Variants in SPATA16 observed in about 807,000 individuals in gnomAD.
SPATA16 encodes spermatogenesis associated 16.
A neutral mutation model predicts 63.3 loss-of-function variants in SPATA16; 36 were observed. The ratio of observed to expected loss-of-function variants is 0.57; its 90% confidence interval spans 0.44 to 0.75. SPATA16 has a LOEUF of 0.75. Ranked by LOEUF, SPATA16 falls within the 30% of genes least tolerant of loss-of-function variation. The pLI is 0.00. For missense variants in SPATA16, 646 were observed against 679.3 expected (o/e 0.95, Z 0.54); for synonymous variants, 203 against 216.7 (o/e 0.94, Z 0.56).
intron 1 of SPATA16, among the ~76,000 whole-genome samples, chr3:173,129,101 C>T (rs774773810): frequency 1.5e-4 from 23 of 152,250 alleles, no homozygotes; most frequent in Non-Finnish European, 2.6e-4. Context: ...AGTCAATAAA[C>T]TCTTGTTGAG....
At chr3:172,940,369 A>G (rs1187784605) in intron 6 of SPATA16, among the ~76,000 whole-genome samples, 1 of 152,176 alleles carries the variant, frequency 6.6e-6, no homozygotes, top group East Asian at 1.9e-4. Flanking sequence ...ATTGAATTGA[A>G]TCTTTGGACA....
At chr3:173,010,247 C>A (rs1290958632) in intron 4 of SPATA16, among the ~76,000 whole-genome samples, 5 of 152,114 alleles carry the variant, frequency 3.3e-5, no homozygotes, top group Non-Finnish European at 7.4e-5. Flanking sequence ...GGCCATTGTG[C>A]CCCCCTCTGT....
chr3:172,990,996 C>G (rs1351857325), intron 4 of SPATA16, among the ~76,000 whole-genome samples: 1 of 152,052 alleles, frequency 6.6e-6, no homozygotes, highest in African/African-American at 2.4e-5. Context: ...CAAAAGAAAA[C>G]AAAGGGCAGA....
intron 3 of SPATA16, among the ~76,000 whole-genome samples, chr3:173,025,532 A>G (rs1735433022): frequency 6.6e-6 from 1 of 151,912 alleles, no homozygotes; most frequent in Non-Finnish European, 1.5e-5. Flanking sequence ...GTTTCGACAA[A>G]TACATAGCCA....
chr3:172,910,135 C>T (rs1391469907), intron 10 of SPATA16, among the ~76,000 whole-genome samples: 2 of 149,798 alleles, frequency 1.3e-5, no homozygotes, highest in East Asian at 3.9e-4. Context: ...ACTCTGTCGC[C>T]CAGGCTGGAG....
At chr3:173,060,887 T>C (rs1736363459) in intron 2 of SPATA16, among the ~76,000 whole-genome samples, 1 of 152,224 alleles carries the variant, frequency 6.6e-6, no homozygotes, top group African/African-American at 2.4e-5. Context: ...CCAGTTGAGT[T>C]TAATGCTTCC....
At chr3:173,052,792 A>G (rs1027829852) in intron 2 of SPATA16, among the ~76,000 whole-genome samples, 1 of 152,212 alleles carries the variant, frequency 6.6e-6, no homozygotes, top group Admixed American at 6.5e-5. Flanking sequence ...AACAAAGGGT[A>G]TTTGTCTAGA....
chr3:172,961,059 CTT>C (rs1560080255), intron 5 of SPATA16, among the ~76,000 whole-genome samples: 1 of 36,236 alleles, frequency 2.8e-5, no homozygotes, highest in African/African-American at 9.4e-5. Flanking sequence ...TTCTTTCTTT[CTT>C]TCTTCTTTCT....
intron 2 of SPATA16, among the ~76,000 whole-genome samples, chr3:173,086,484 C>T (rs575741757): frequency 1.3e-5 from 2 of 152,154 alleles, no homozygotes; most frequent in African/African-American, 4.8e-5. Context: ...CTTCAAAAAG[C>T]CACCTCCTGG....
At chr3:173,129,100 ACT>A (rs1225601330) in intron 1 of SPATA16, among the ~76,000 whole-genome samples, 1 of 152,156 alleles carries the variant, frequency 6.6e-6, no homozygotes, top group Non-Finnish European at 1.5e-5. Context: ...TAGTCAATAA[ACT>A]CTTGTTGAGT....
chr3:173,074,927 G>C (rs59530857), intron 2 of SPATA16, among the ~76,000 whole-genome samples: 15 of 149,034 alleles, frequency 1.0e-4, no homozygotes, highest in Non-Finnish European at 1.9e-4. Flanking sequence ...GAACCCGGGA[G>C]GCAGAGATTG....
chr3:172,941,997 T>C (rs1733160321), intron 6 of SPATA16, among the ~76,000 whole-genome samples: 1 of 151,666 alleles, frequency 6.6e-6, no homozygotes, highest in Non-Finnish European at 1.5e-5. Context: ...AAAGAAAAAA[T>C]GAATAAAAGA....
chr3:173,032,236 AAATTATTG>A lies in SPATA16; in HGVS notation c.759-12669_759-12662del, dbSNP rs1326998385. ...CAACTAATTAAATGTGAAAAATATT[AAATTATTG>A]AATTATCTCAAGTGAACAACAAACA... On this transcript the variant is annotated intron_variant, in intron 3 of 10. Coordinates refer to ENST00000351008, the MANE Select transcript of SPATA16 (RefSeq NM_031955.6). Among the ~76,000 whole-genome samples, 14 of 152,252 alleles carry A rather than the reference AAATTATTG, an allele frequency of 9.2e-5. No individual in the cohort carries two copies. The South Asian group carries it at 2.3e-3, about 25-fold the overall frequency.
At chr3:173,119,700 CA>C in intron 1 of SPATA16, among the ~76,000 whole-genome samples, 1 of 152,278 alleles carries the variant, frequency 6.6e-6, no homozygotes, top group South Asian at 2.1e-4. Context: ...TATTGAAGAT[CA>C]GCAGAACTGT....
intron 4 of SPATA16, among the ~76,000 whole-genome samples, chr3:173,000,013 C>CTA (rs1319333410): frequency 6.6e-6 from 1 of 152,114 alleles, no homozygotes. Context: ...TAATCTCCAG[C>CTA]TATAATAGTG....
At chr3:172,947,476 G>A in intron 6 of SPATA16, among the ~76,000 whole-genome samples, 1 of 152,194 alleles carries the variant, frequency 6.6e-6, no homozygotes, top group African/African-American at 2.4e-5. Context: ...TACCTTTCCA[G>A]AAACACCTCT....
intron 8 of SPATA16, among the ~76,000 whole-genome samples, chr3:172,917,183 A>G (rs1450202746): frequency 6.6e-6 from 1 of 152,222 alleles, no homozygotes; most frequent in Non-Finnish European, 1.5e-5. Flanking sequence ...AAAGTGGCCC[A>G]CCAAGGTGCC....
chr3:172,971,986 C>T (rs1253764841), intron 5 of SPATA16, among the ~76,000 whole-genome samples: 2 of 152,106 alleles, frequency 1.3e-5, no homozygotes, highest in Non-Finnish European at 2.9e-5. Context: ...AAACTATGGG[C>T]CGTCTTTGAG....
intron 2 of SPATA16, among the ~76,000 whole-genome samples, chr3:173,095,712 C>T (rs556099179): frequency 6.6e-6 from 1 of 152,034 alleles, no homozygotes; most frequent in African/African-American, 2.4e-5. Context: ...TATTTGAAAT[C>T]CATGGTTTAT....
Sources: allele counts gnomAD v4.1 joint callset (sites outside exome capture counted in the v4.1 genomes callset), GRCh38; gene constraint gnomAD v4.1.1; transcripts MANE v1.5; gene names NCBI Gene and HGNC (gene_info 2026-07-23, HGNC 2026-07-21).